Variants in OXCT1 observed in about 807,000 individuals in gnomAD.
OXCT1 encodes 3-oxoacid CoA-transferase 1.
OXCT1 carries 27 observed loss-of-function variants against 69.6 expected under a neutral mutation model. That is an observed-to-expected ratio of 0.39 (90% CI 0.29 to 0.54). The LOEUF (loss-of-function observed/expected upper bound fraction) is 0.54. Among genes scored for constraint, OXCT1 ranks in the 20% least tolerant of loss-of-function variants. The pLI is 0.72. For missense variants in OXCT1, 437 were observed against 650.2 expected (o/e 0.67, Z 3.57); for synonymous variants, 202 against 217.8 (o/e 0.93, Z 0.64).
chr5:41,852,750 C>T (rs1191809023), intron 4 of OXCT1, among the ~76,000 whole-genome samples: 1 of 152,146 alleles, frequency 6.6e-6, no homozygotes, highest in East Asian at 1.9e-4. Flanking sequence ...TCAGCAAGAC[C>T]AGATCACCCA....
At chr5:41,825,651 G>T (rs1554016234) in intron 7 of OXCT1, among the ~76,000 whole-genome samples, 1 of 152,062 alleles carries the variant, frequency 6.6e-6, no homozygotes, top group Non-Finnish European at 1.5e-5. Context: ...CTTTATTTAT[G>T]TCCCCAAAAG....
intron 5 of OXCT1, chr5:41,843,764 G>A: frequency 7.1e-6 from 2 of 282,348 alleles, no homozygotes; most frequent in East Asian, 9.1e-5. Context: ...AGAAAATTTT[G>A]GTACATTTAT....
At position 41,730,966 on chromosome 5, in the gene OXCT1, T is replaced by G. The variant is rs1742591360; in HGVS notation, c.*763A>C. ...CAGCCCTTCTTGGCTTGAGAGGAGG[T>G]ACAGTACAAGTAGCCCACAGGGTCT... On this transcript the variant is annotated 3_prime_UTR_variant, in exon 17 of 17. Coordinates refer to ENST00000196371, the MANE Select transcript of OXCT1 (RefSeq NM_000436.4). 3 of 151,838 alleles carry G rather than the reference T, an allele frequency of 2.0e-5. No homozygotes were observed. Among genetic ancestry groups the G allele is most frequent in the Admixed American group, 2.0e-4 (3 of 15,252 alleles). The allele number at this position is 151,838 out of a possible 1,614,324, so 9.4% of individuals were successfully genotyped here.
rs534752106 is a variant in OXCT1, at chr5:41,793,273, C to T, written c.1248+730G>A. Among the ~76,000 whole-genome samples, 23 of 152,354 alleles carry T rather than the reference C, an allele frequency of 1.5e-4. No homozygotes were observed. In the South Asian group the frequency reaches 4.6e-3, roughly 30 times the overall value. ...ATATGGAAATCCTTAAACACACACA[C>T]AAAGAGCAACCGGGCTACCAGCCAA... On this transcript the variant is annotated intron_variant, in intron 13 of 16. Transcript: ENST00000196371.
chr5:41,869,351 G>C lies in OXCT1; in HGVS notation c.78+930C>G, dbSNP rs145845723. On this transcript the variant is annotated intron_variant, in intron 1 of 16. Coordinates refer to ENST00000196371, the MANE Select transcript of OXCT1 (RefSeq NM_000436.4). ...TGAATACCAAGGAAGAGGCTCCCGCGATTGAGACGGCGGGGATAAAGCCAC... is the reference window on the plus strand; with the variant it reads ...TGAATACCAAGGAAGAGGCTCCCGCCATTGAGACGGCGGGGATAAAGCCAC... 9.6e-3 allele frequency among the ~76,000 whole-genome samples: 1,455 copies of C among 152,316 alleles called. 21 individuals are homozygous for C. Among genetic ancestry groups the C allele is most frequent in the Non-Finnish European group, 0.011 (725 of 68,028 alleles).
At chr5:41,811,358 T>C (rs1746978830) in intron 7 of OXCT1, among the ~76,000 whole-genome samples, 1 of 152,036 alleles carries the variant, frequency 6.6e-6, no homozygotes, top group Non-Finnish European at 1.5e-5. Context: ...ATATCCCAAT[T>C]ACCCTGATTT....
At chr5:41,770,372 T>C (rs1013447163) in intron 13 of OXCT1, among the ~76,000 whole-genome samples, 1 of 152,206 alleles carries the variant, frequency 6.6e-6, no homozygotes, top group Non-Finnish European at 1.5e-5. Context: ...TCCTTCAAAA[T>C]TGACCCTACT....
At chr5:41,826,666 C>T (rs1431936262) in intron 7 of OXCT1, among the ~76,000 whole-genome samples, 1 of 152,104 alleles carries the variant, frequency 6.6e-6, no homozygotes, top group South Asian at 2.1e-4. Context: ...AGATAAGCCT[C>T]CTCAGGATTA....
intron 7 of OXCT1, among the ~76,000 whole-genome samples, chr5:41,827,747 A>G (rs1163852525): frequency 2.6e-5 from 4 of 152,210 alleles, no homozygotes; most frequent in Non-Finnish European, 5.9e-5. Context: ...TTACCAACAA[A>G]TAAGAAATAA....
rs1744373949 is a variant in OXCT1 at position 41,762,034 on chromosome 5, G to A, written c.1338+77C>T. Reference sequence around the variant, plus strand: ...CAGAGAAAATAAAATCCACAGTTAGGTGACCTGGTGGTACACTGGGTTTTG... The same window carrying A: ...CAGAGAAAATAAAATCCACAGTTAGATGACCTGGTGGTACACTGGGTTTTG... On this transcript the variant is annotated intron_variant, in intron 14 of 16. Coordinates refer to ENST00000196371, the MANE Select transcript of OXCT1 (RefSeq NM_000436.4). The surrounding 1 kb of genome is among the most constrained non-coding windows in gnomAD (Gnocchi z 4.0). 1 of 922,106 alleles carries A rather than the reference G, an allele frequency of 1.1e-6. No individual in the cohort carries two copies. The highest frequency in any genetic ancestry group is 1.8e-6 in the Non-Finnish European group (1 of 548,210). 57.1% of individuals were successfully genotyped at this position (922,106 alleles called of 1,614,324 possible).
At chr5:41,810,918 G>A (rs1371857205) in intron 7 of OXCT1, among the ~76,000 whole-genome samples, 1 of 151,932 alleles carries the variant, frequency 6.6e-6, no homozygotes, top group Non-Finnish European at 1.5e-5. Flanking sequence ...GGGCTGTTGA[G>A]GGGGAGGAAG....
Position 41,842,849 on chromosome 5 carries a change from T to C in OXCT1, c.565-68A>G, listed in dbSNP as rs1208218081. On this transcript the variant is annotated intron_variant, in intron 5 of 16. Coordinates refer to ENST00000196371, the MANE Select transcript of OXCT1 (RefSeq NM_000436.4). Reference sequence around the variant, plus strand: ...CTTGATTGTGATAGAGGCACTCTGATAGAGGTAGATAATAAGGATACAAGC... The same window carrying C: ...CTTGATTGTGATAGAGGCACTCTGACAGAGGTAGATAATAAGGATACAAGC... 4.0e-6 allele frequency: 4 copies of C among 1,000,756 alleles called. No individual in the cohort carries two copies. The Admixed American group carries it at 5.1e-5, about 13-fold the overall frequency. 62.0% of individuals were successfully genotyped at this position (1,000,756 alleles called of 1,614,324 possible). A position where few individuals can be genotyped will look rare whatever the true frequency, so the allele number is the denominator to read the frequency against.
chr5:41,837,878 C>T (rs539137949), intron 7 of OXCT1, among the ~76,000 whole-genome samples: 1 of 152,202 alleles, frequency 6.6e-6, no homozygotes, highest in South Asian at 2.1e-4. Flanking sequence ...AAGTCATCAT[C>T]TCTAAAATAA....
chr5:41,818,153 A>G (rs1747338348), intron 7 of OXCT1, among the ~76,000 whole-genome samples: 1 of 152,204 alleles, frequency 6.6e-6, no homozygotes. Flanking sequence ...TGAGTAAGAC[A>G]AGGTCCTACA....
At chr5:41,853,728 T>C in intron 3 of OXCT1, 174 bp from the exon 4 acceptor site, 1 of 738,910 alleles carries the variant, frequency 1.4e-6, no homozygotes, top group East Asian at 2.7e-5. Flanking sequence ...AGCTATCCTT[T>C]TATTTTACAG....
rs1224005586 is a variant in OXCT1 at position 41,794,902 on chromosome 5, AC to A, written c.1100-154del. ...TAGCAGGTGGGGGGACACAGTAGGA[AC>A]CTTTTGTGGTGGAAAGCATTTTGTC... On this transcript the variant is annotated intron_variant, in intron 11 of 16. Coordinates refer to ENST00000196371, the MANE Select transcript of OXCT1 (RefSeq NM_000436.4). 2.0e-5 allele frequency among the ~76,000 whole-genome samples: 3 copies of A among 152,154 alleles called. No individual in the cohort carries two copies. In the South Asian group the frequency reaches 6.2e-4, roughly 31 times the overall value.
chr5:41,774,584 G>A (rs1390156686), intron 13 of OXCT1, among the ~76,000 whole-genome samples: 1 of 152,120 alleles, frequency 6.6e-6, no homozygotes, highest in Non-Finnish European at 1.5e-5. Context: ...GGCTATGGCT[G>A]GAACAATGTG....
At chr5:41,758,463 C>A (rs564964316) in intron 14 of OXCT1, among the ~76,000 whole-genome samples, 1 of 151,874 alleles carries the variant, frequency 6.6e-6, no homozygotes, top group South Asian at 2.1e-4. Context: ...TAGAAGGCTG[C>A]AGAGCAGAGG....
At chr5:41,815,164 T>G (rs1330485420) in intron 7 of OXCT1, among the ~76,000 whole-genome samples, 1 of 152,098 alleles carries the variant, frequency 6.6e-6, no homozygotes, top group Non-Finnish European at 1.5e-5. Flanking sequence ...TGACCCATAA[T>G]GATCTGAAAA....
Sources: allele counts gnomAD v4.1 joint callset (sites outside exome capture counted in the v4.1 genomes callset), GRCh38; gene constraint gnomAD v4.1.1; non-coding constraint Gnocchi (gnomAD v3.1); transcripts MANE v1.5; gene names NCBI Gene and HGNC (gene_info 2026-07-23, HGNC 2026-07-21).